MAST2: variants seen among roughly 807,000 people sequenced by gnomAD.
MAST2 encodes the protein microtubule-associated serine/threonine-protein kinase 2.
A neutral mutation model predicts 147.4 loss-of-function variants in MAST2; 70 were observed. The observed-to-expected ratio is 0.47, with a 90% CI of 0.39 to 0.58. The LOEUF (loss-of-function observed/expected upper bound fraction) is 0.58, where lower values mean the gene tolerates loss of function less well. Ranked by LOEUF, MAST2 falls within the 20% of genes least tolerant of loss-of-function variation. The pLI is 0.00. For missense variants in MAST2, 2,080 were observed against 2,302.3 expected (o/e 0.90, Z 1.98); for synonymous variants, 869 against 896.8 (o/e 0.97, Z 0.55).
At chr1:45,999,311 CAGATAAGATCA>C (rs1645181038) in intron 6 of MAST2, among the ~76,000 whole-genome samples, 1 of 152,124 alleles carries the variant, frequency 6.6e-6, no homozygotes, top group South Asian at 2.1e-4. Flanking sequence ...AGCAAGGATC[CAGATAAGATCA>C]CTTACAGTAT....
intron 1 of MAST2, among the ~76,000 whole-genome samples, chr1:45,810,449 C>T (rs7522464): frequency 0.048 from 7,267 of 152,130 alleles, 619 homozygotes; most frequent in African/African-American, 0.17. Context: ...CAGAGCTTTA[C>T]GTTGAAGGTG....
chr1:45,977,958 A>G (rs1234289029), intron 5 of MAST2, among the ~76,000 whole-genome samples: 1 of 152,080 alleles, frequency 6.6e-6, no homozygotes, highest in Non-Finnish European at 1.5e-5. Flanking sequence ...GGTGGCTCCT[A>G]TAATCCTAGC....
chr1:45,854,015 A>G (rs572296183), intron 3 of MAST2, among the ~76,000 whole-genome samples: 74 of 152,192 alleles, frequency 4.9e-4, no homozygotes, highest in Admixed American at 1.8e-3. Flanking sequence ...TCTGCATTGA[A>G]TTGCTTTTCC....
chr1:45,821,251 T>G (rs1644617627), intron 1 of MAST2, among the ~76,000 whole-genome samples: 1 of 152,164 alleles, frequency 6.6e-6, no homozygotes, highest in African/African-American at 2.4e-5. Context: ...TAGAATTCCG[T>G]ATGTCATCCT....
intron 5 of MAST2, among the ~76,000 whole-genome samples, chr1:45,993,824 C>T (rs1644943065): frequency 6.6e-6 from 1 of 152,120 alleles, no homozygotes; most frequent in Non-Finnish European, 1.5e-5. Flanking sequence ...TCCCAGGTCA[C>T]CCATACTTCT....
At chr1:45,857,092 A>G (rs921526269) in intron 3 of MAST2, among the ~76,000 whole-genome samples, 1 of 152,096 alleles carries the variant, frequency 6.6e-6, no homozygotes, top group Non-Finnish European at 1.5e-5. Flanking sequence ...AACATACTGT[A>G]TATTTTATGT....
chr1:45,845,603 C>T (rs6666743), intron 3 of MAST2, among the ~76,000 whole-genome samples: 69,356 of 152,004 alleles, frequency 0.46, 16,047 homozygotes, highest in East Asian at 0.65. Context: ...TGCTGAATTA[C>T]ATGTCAATTT....
At position 46,013,966 on chromosome 1, in the gene MAST2, C is replaced by A. The variant is rs916497654; in HGVS notation, c.1188+3027C>A. ...CCAATACTTTAAAAGAAGAAAAGTC[C>A]TCATTTACTGTGTTTTTTTTCCGAA... On this transcript the variant is annotated intron_variant, in intron 10 of 28. Coordinates refer to ENST00000361297, the MANE Select transcript of MAST2 (RefSeq NM_015112.3). Among the ~76,000 whole-genome samples the A allele has an allele frequency of 4.6e-5, 7 of 152,068 alleles. 1 individual carries two copies. The highest frequency in any genetic ancestry group is 6.8e-3 in the Middle Eastern group (2 of 294).
In MAST2 at chr1:45,994,097, A is replaced by T. The variant is rs141178956; in HGVS notation, c.593-3627A>T. ...CATGGATGTATAACAATACATACAA[A>T]TTATTATTAAGCAGGGAAGCTCACA... is the stretch of plus-strand genomic sequence containing the variant. On this transcript the variant is annotated intron_variant, in intron 5 of 28. Transcript: ENST00000361297. Among the ~76,000 whole-genome samples, 100 of 152,182 alleles carry T rather than the reference A, an allele frequency of 6.6e-4. 1 individual carries two copies. Among genetic ancestry groups the T allele is most frequent in the African/African-American group, 2.3e-3 (95 of 41,518 alleles).
chr1:45,949,948 A>T (rs1049974990), intron 4 of MAST2, among the ~76,000 whole-genome samples: 7 of 152,220 alleles, frequency 4.6e-5, no homozygotes, highest in African/African-American at 1.7e-4. Context: ...TACGATCCTA[A>T]GTAAACTAAC....
chr1:46,016,006 C>G (rs1398900514), intron 10 of MAST2, among the ~76,000 whole-genome samples: 4 of 152,208 alleles, frequency 2.6e-5, no homozygotes, highest in African/African-American at 4.8e-5. Context: ...CCCTGGGATG[C>G]AAGGCTGGTT....
At chr1:45,994,355 G>A (rs1281124647) in intron 5 of MAST2, among the ~76,000 whole-genome samples, 3 of 140,746 alleles carry the variant, frequency 2.1e-5, no homozygotes, top group African/African-American at 8.0e-5. Flanking sequence ...GCATGATCTC[G>A]GCTCACTGCA....
intron 1 of MAST2, among the ~76,000 whole-genome samples, chr1:45,817,013 T>C (rs1644476377): frequency 6.6e-6 from 1 of 152,078 alleles, no homozygotes; most frequent in East Asian, 1.9e-4. Flanking sequence ...AGACAGGCTA[T>C]TTGAAAATAC....
At chr1:45,965,397 T>A (rs1279526363) in intron 5 of MAST2, among the ~76,000 whole-genome samples, 1 of 152,214 alleles carries the variant, frequency 6.6e-6, no homozygotes, top group African/African-American at 2.4e-5. Context: ...GCTTTATGAA[T>A]CTGGGTGCTC....
intron 4 of MAST2, among the ~76,000 whole-genome samples, chr1:45,886,960 T>TCCCA (rs1304234838): frequency 6.6e-6 from 1 of 152,196 alleles, no homozygotes; most frequent in Non-Finnish European, 1.5e-5. Flanking sequence ...CCTGAGTAGC[T>TCCCA]GGCACCACAG....
chr1:45,821,838 C>T (rs573163185), intron 1 of MAST2, among the ~76,000 whole-genome samples: 15 of 150,946 alleles, frequency 9.9e-5, no homozygotes, highest in Admixed American at 7.9e-4. Context: ...TCTTACTGCC[C>T]CCTTCTCTTC....
intron 8 of MAST2, among the ~76,000 whole-genome samples, chr1:46,007,715 G>A (rs1012383487): frequency 1.3e-5 from 2 of 152,126 alleles, no homozygotes; most frequent in African/African-American, 4.8e-5. Flanking sequence ...GAGCCAGAGG[G>A]GGAGATTTAG....
At chr1:45,875,231 G>A (rs1219423362) in intron 3 of MAST2, among the ~76,000 whole-genome samples, 1 of 152,096 alleles carries the variant, frequency 6.6e-6, no homozygotes, top group Non-Finnish European at 1.5e-5. Flanking sequence ...GGATCACCTG[G>A]GGTCAGGAGT....
chr1:46,005,787 C>T (rs1025773198), intron 7 of MAST2, among the ~76,000 whole-genome samples: 4 of 152,114 alleles, frequency 2.6e-5, no homozygotes, highest in Admixed American at 6.5e-5. Context: ...AGTCTGGGCA[C>T]AGCCTTCACA....
Sources: allele counts gnomAD v4.1 joint callset (sites outside exome capture counted in the v4.1 genomes callset), GRCh38; gene constraint gnomAD v4.1.1; transcripts MANE v1.5; gene names NCBI Gene and HGNC (gene_info 2026-07-23, HGNC 2026-07-21).